The following SPTAN1 variants were observed in gnomAD, a reference collection of about 807,000 sequenced individuals.
SPTAN1 encodes spectrin alpha, non-erythrocytic 1.
Under a neutral mutation model 331.3 loss-of-function variants are expected in SPTAN1, and 61 were observed. The ratio of observed to expected loss-of-function variants is 0.18; its 90% confidence interval spans 0.15 to 0.23. The LOEUF (loss-of-function observed/expected upper bound fraction) is 0.23. Ranked by LOEUF, SPTAN1 falls within the 10% of genes least tolerant of loss-of-function variation. The pLI is 1.00. For missense variants in SPTAN1, 2,043 were observed against 3,147.9 expected, an observed-to-expected ratio of 0.65 and a Z score of 8.40; for synonymous variants, 1,153 against 1,173.9, an observed-to-expected ratio of 0.98 and a Z score of 0.36.
intron 18 of SPTAN1, 133 bp from the exon 19 acceptor site, chr9:128,585,615 G>C (rs1490595046): frequency 5.1e-6 from 4 of 789,466 alleles, no homozygotes; most frequent in Non-Finnish European, 6.4e-6. Context: ...AAAAAAAATG[G>C]AATTATGAAA....
At chr9:128,574,511 A>T (rs1444249455) in intron 3 of SPTAN1, among the ~76,000 whole-genome samples, 164 bp from the exon 4 acceptor site, 1 of 151,996 alleles carries the variant, frequency 6.6e-6, no homozygotes, top group Non-Finnish European at 1.5e-5. Flanking sequence ...ACTTTTCCCT[A>T]CTGCCAGTTA....
chr9:128,629,506 T>C lies in SPTAN1; in HGVS notation c.6708-815T>C, dbSNP rs10115510. Among the ~76,000 whole-genome samples, 149,154 of 152,220 alleles carry C rather than the reference T, an allele frequency of 0.98. 73,163 individuals are homozygous for C. The highest frequency in any genetic ancestry group is 1 in the East Asian group (5,148 of 5,148). On this transcript the variant is annotated intron_variant, in intron 51 of 56. Coordinates refer to ENST00000372739, the MANE Select transcript of SPTAN1 (RefSeq NM_001130438.3). The surrounding 1 kb of genome is among the most constrained non-coding windows in gnomAD (Gnocchi z 4.9). Reference sequence around the variant, plus strand: ...CGGGTTTTAAAAGGGTAGGTTGGGGTGAATGTGGGTACAGGGGAGCCTGGG... The same window carrying C: ...CGGGTTTTAAAAGGGTAGGTTGGGGCGAATGTGGGTACAGGGGAGCCTGGG...
At chr9:128,586,617 C>T (rs566304729) in intron 19 of SPTAN1, among the ~76,000 whole-genome samples, 28 of 151,976 alleles carry the variant, frequency 1.8e-4, no homozygotes, top group African/African-American at 6.5e-4. Flanking sequence ...ACAAACATAC[C>T]AGCATACACA....
chr9:128,624,572 A>C, intron 46 of SPTAN1, 85 bp downstream of exon 46: 1 of 1,519,892 alleles, frequency 6.6e-7, no homozygotes, highest in African/African-American at 1.4e-5. Context: ...TTCTGCAGAG[A>C]AGAAACTGAT....
intron 1 of SPTAN1, among the ~76,000 whole-genome samples, chr9:128,560,190 TCTC>T (rs1305736748): frequency 6.7e-6 from 1 of 149,490 alleles, no homozygotes; most frequent in African/African-American, 2.5e-5. Flanking sequence ...TTCTGGCAAT[TCTC>T]CTGCCTCAGC....
Position 128,582,556 on chromosome 9 carries a change from TG to T in SPTAN1, c.1650+1del. 6.2e-7 allele frequency: 1 copy of T among 1,613,742 alleles called. No homozygotes were observed. The highest frequency in any genetic ancestry group is 8.5e-7 in the Non-Finnish European group (1 of 1,180,014). On this transcript the variant is annotated splice_donor_variant, in intron 13 of 56. Transcript: ENST00000372739. LOFTEE classifies it high-confidence loss of function. ...AAGATGTGGCCACTCGCCGAGATGC[TG>T]TAAGTTTGTAGGTTCTTCATGCTCC...
intron 3 of SPTAN1, among the ~76,000 whole-genome samples, chr9:128,572,047 T>C (rs1850787371): frequency 1.3e-5 from 2 of 152,016 alleles, no homozygotes; most frequent in Admixed American, 6.6e-5. Flanking sequence ...TTAGTAGAGA[T>C]AGGGATCTTG....
intron 3 of SPTAN1, among the ~76,000 whole-genome samples, chr9:128,572,149 T>C (rs1240545766): frequency 2.6e-5 from 4 of 152,188 alleles, no homozygotes; most frequent in African/African-American, 9.7e-5. Flanking sequence ...CGTGAGCCAC[T>C]GCACCCAGCC....
intron 27 of SPTAN1, among the ~76,000 whole-genome samples, chr9:128,602,441 T>C (rs767056326): frequency 1.3e-5 from 2 of 151,940 alleles, no homozygotes; most frequent in African/African-American, 2.4e-5. Flanking sequence ...GGTATTGATC[T>C]CCTAACCTCA....
At position 128,600,105 on chromosome 9, in the gene SPTAN1, C is replaced by A. The variant is rs1046110538; in HGVS notation, c.3569C>A (p.Ser1190Tyr). ...GATGAAACTGATTCCAAGACAGCCT[C>A]CCCGTGGAAGGTAAGAACTCCTTTG... is the stretch of plus-strand genomic sequence containing the variant. The part of the protein sequence containing the change: ...PRDETDSKTA[S>Y]PWKSARLMVH... The change falls in exon 27 of 57, where the codon TCC (serine) becomes TAC (tyrosine). Residue 1190 changes from serine to tyrosine, a missense_variant. Physicochemically the swap from Ser to Tyr is moderately radical, Grantham distance 144. Around this residue, in one of 12 missense-constraint regions of SPTAN1, gnomAD observed 1,038 missense variants for 1,531.5 expected, o/e 0.68. Coordinates refer to ENST00000372739, the MANE Select transcript of SPTAN1 (RefSeq NM_001130438.3). The A allele has an allele frequency of 6.2e-7, 1 of 1,614,168 alleles. No individual in the cohort carries two copies. The highest frequency in any genetic ancestry group is 8.5e-7 in the Non-Finnish European group (1 of 1,180,020).
chr9:128,629,755 G>A lies in SPTAN1; in HGVS notation c.6708-566G>A, dbSNP rs552462646. On this transcript the variant is annotated intron_variant, in intron 51 of 56. Transcript: ENST00000372739. The surrounding 1 kb of genome is among the most constrained non-coding windows in gnomAD (Gnocchi z 4.9). Reference sequence around the variant, plus strand: ...AACCGGGATCTGGGGTTTAGTCACAGCCATCTCTCTCCTTTTGGCACAGTT... The same window carrying A: ...AACCGGGATCTGGGGTTTAGTCACAACCATCTCTCTCCTTTTGGCACAGTT... The A allele has an allele frequency of 2.3e-5, 5 of 215,050 alleles. No homozygotes were observed. The highest frequency in any genetic ancestry group is 1.1e-4 in the African/African-American group (5 of 43,804). 13.3% of individuals were successfully genotyped at this position (215,050 alleles called of 1,614,324 possible).
At chr9:128,564,248 G>A (rs369187088) in intron 1 of SPTAN1, among the ~76,000 whole-genome samples, 31 of 151,972 alleles carry the variant, frequency 2.0e-4, no homozygotes, top group East Asian at 5.8e-4. Context: ...GTGAAACCCC[G>A]TCTCTACTAA....
Position 128,625,669 on chromosome 9 carries a change from C to A in SPTAN1, c.6070-100C>A. 1 of 1,124,316 alleles carries A rather than the reference C, an allele frequency of 8.9e-7. No individual in the cohort carries two copies. The highest frequency in any genetic ancestry group is 1.3e-6 in the Non-Finnish European group (1 of 746,840). The allele number at this position is 1,124,316 out of a possible 1,614,324, so 69.6% of individuals were successfully genotyped here. A position where few individuals can be genotyped will look rare whatever the true frequency, so the allele number is the denominator to read the frequency against. ...AGCAGTGTCCAGGTGGACAGTTTGG[C>A]TTGGGCATCTGGGGGACATGCTGGT... is the stretch of plus-strand genomic sequence containing the variant. On this transcript the variant is annotated intron_variant, in intron 47 of 56. Transcript: ENST00000372739. This position sits in a 1 kb window ranked among gnomAD's most constrained non-coding sequence, Gnocchi z 4.1.
At chr9:128,579,159 G>A in intron 9 of SPTAN1, among the ~76,000 whole-genome samples, 1 of 152,172 alleles carries the variant, frequency 6.6e-6, no homozygotes, top group East Asian at 1.9e-4. Flanking sequence ...TGCAGTTCCA[G>A]TCAAGTGCTC....
At chr9:128,571,458 G>A (rs192736333) in intron 3 of SPTAN1, among the ~76,000 whole-genome samples, 78 of 152,192 alleles carry the variant, frequency 5.1e-4, no homozygotes, top group Non-Finnish European at 2.1e-4. Context: ...GGTGTTGCGT[G>A]CCTGTAATCC....
chr9:128,577,116 C>G lies in SPTAN1; in HGVS notation c.786-13C>G. 6.2e-7 allele frequency: 1 copy of G among 1,614,068 alleles called. No individual in the cohort carries two copies. The highest frequency in any genetic ancestry group is 8.5e-7 in the Non-Finnish European group (1 of 1,180,020). ...ATCATTGCTGTGGATTAACTGGTGC[C>G]TTTGTTCTGTAGGGATGTGGATGAG... On this transcript the variant is annotated splice_polypyrimidine_tract_variant and intron_variant, in intron 6 of 56. Transcript: ENST00000372739. This position sits in a 1 kb window ranked among gnomAD's most constrained non-coding sequence, Gnocchi z 4.2.
rs746570112 is a variant in SPTAN1, at chr9:128,588,801, A to C, written c.2872-8A>C. On this transcript the variant is annotated splice_polypyrimidine_tract_variant and splice_region_variant and intron_variant, in intron 20 of 56. Transcript: ENST00000372739. ...TTTACCATGTTTGCCCTTCCTTTGG[A>C]TTTTTAGCAACAAGTGGCCCCCACG... is the stretch of plus-strand genomic sequence containing the variant. 4 of 1,613,748 alleles carry C rather than the reference A, an allele frequency of 2.5e-6. No individual in the cohort carries two copies. The highest frequency in any genetic ancestry group is 1.7e-6 in the Non-Finnish European group (2 of 1,180,018).
chr9:128,570,328 A>T (rs1332820610), intron 3 of SPTAN1, among the ~76,000 whole-genome samples: 19 of 73,594 alleles, frequency 2.6e-4, no homozygotes, highest in African/African-American at 1.0e-3. Context: ...ATATATATAT[A>T]TATTTTTTTT....
intron 19 of SPTAN1, among the ~76,000 whole-genome samples, chr9:128,586,565 A>C (rs1852664109): frequency 6.6e-6 from 1 of 152,184 alleles, no homozygotes; most frequent in Non-Finnish European, 1.5e-5. Flanking sequence ...GCTTACATAC[A>C]TACTAACATA....
Sources: gnomAD v4.1 joint callset for allele counts (sites outside exome capture counted in the v4.1 genomes callset) on GRCh38, gnomAD v4.1.1 for gene constraint, gnomAD v4.1.1 regional missense constraint, Gnocchi (gnomAD v3.1) non-coding constraint, MANE v1.5 for transcripts, NCBI Gene and HGNC (gene_info 2026-07-23, HGNC 2026-07-21) for gene names.